Variants in SLC39A11 observed in about 807,000 individuals in gnomAD.
SLC39A11 encodes the protein solute carrier family 39 member 11.
In SLC39A11, 33 loss-of-function variants were observed where a neutral mutation model predicts 36.1. The ratio of observed to expected loss-of-function variants is 0.91; its 90% CI spans 0.69 to 1.22. SLC39A11 has a LOEUF of 1.22. Ranked by LOEUF, SLC39A11 falls within the 50% of genes most tolerant of loss-of-function variation. The pLI, the probability that SLC39A11 is intolerant of heterozygous loss-of-function variation, is 0.00. For synonymous variants in SLC39A11, 166 were observed against 170.3 expected (o/e 0.97, Z 0.20); for missense variants, 432 against 430.3 (o/e 1.00, Z -0.03).
rs199522007 is a variant in SLC39A11 at position 73,059,830 on chromosome 17, G to A, written c.147+24978C>T. ...AGGTTGCCCCAAAATGAGAAAGAGG[G>A]AAGGTATAGATAGGATAAATAAAAA... is the stretch of plus-strand genomic sequence containing the variant. On this transcript the variant is annotated intron_variant, in intron 3 of 9. Coordinates refer to ENST00000255559, the MANE Select transcript of SLC39A11 (RefSeq NM_139177.4). 2.0e-5 allele frequency among the ~76,000 whole-genome samples: 3 copies of A among 152,104 alleles called. No homozygotes were observed. The East Asian group carries it at 5.8e-4, about 29-fold the overall frequency.
chr17:72,730,262 C>T (rs777359082), intron 7 of SLC39A11, among the ~76,000 whole-genome samples: 56 of 152,166 alleles, frequency 3.7e-4, no homozygotes, highest in Non-Finnish European at 5.7e-4. Context: ...TGTTGCTAGG[C>T]GCCTACAAAC....
In SLC39A11 at chr17:72,653,441, C is replaced by CT. The variant is rs66924570; in HGVS notation, c.672-4174dup. Among the ~76,000 whole-genome samples the CT allele has an allele frequency of 1.9e-3, 237 of 124,796 alleles. 1 individual carries two copies. The highest frequency in any genetic ancestry group is 2.8e-3 in the Non-Finnish European group (169 of 59,856). 81.9% of individuals were successfully genotyped at this position (124,796 alleles called of 152,430 possible). A position where few individuals can be genotyped will look rare whatever the true frequency, so the allele number is the denominator to read the frequency against. Reference sequence around the variant, plus strand: ...TTTGGTTTTTCTTTTCTTTTCTTTTCTTTTTTTTTTTTTGAGAAGGAGTCT... The same window carrying CT: ...TTTGGTTTTTCTTTTCTTTTCTTTTCTTTTTTTTTTTTTTGAGAAGGAGTCT... On this transcript the variant is annotated intron_variant, in intron 7 of 9. Transcript: ENST00000255559.
At chr17:73,046,637 C>G (rs2059302068) in intron 3 of SLC39A11, among the ~76,000 whole-genome samples, 1 of 152,176 alleles carries the variant, frequency 6.6e-6, no homozygotes, top group African/African-American at 2.4e-5. Context: ...GTCTCTGTCT[C>G]TCTTTCTCTC....
intron 2 of SLC39A11, among the ~76,000 whole-genome samples, chr17:73,085,678 G>A (rs9944402): frequency 0.3 from 44,762 of 149,272 alleles, 7,186 homozygotes; most frequent in Middle Eastern, 0.5. Context: ...ACACAATGGC[G>A]GTGCAAACGG....
chr17:72,756,493 C>T (rs903395386), intron 6 of SLC39A11, among the ~76,000 whole-genome samples: 4 of 152,220 alleles, frequency 2.6e-5, no homozygotes, highest in Non-Finnish European at 4.4e-5. Context: ...AACATGGCTG[C>T]ACCTTGAGAA....
chr17:72,772,099 A>T (rs2075968588), intron 6 of SLC39A11, among the ~76,000 whole-genome samples: 1 of 152,002 alleles, frequency 6.6e-6, no homozygotes, highest in African/African-American at 2.4e-5. Flanking sequence ...CCTCCTTCCC[A>T]GAGTCCTTTC....
intron 7 of SLC39A11, among the ~76,000 whole-genome samples, chr17:72,658,149 A>G (rs552743717): frequency 1.3e-5 from 2 of 152,338 alleles, no homozygotes; most frequent in African/African-American, 4.8e-5. Flanking sequence ...GGGCCTGAGC[A>G]CAAATAATGA....
intron 3 of SLC39A11, among the ~76,000 whole-genome samples, chr17:73,053,207 A>C (rs1227560864): frequency 6.6e-6 from 1 of 151,828 alleles, no homozygotes; most frequent in Non-Finnish European, 1.5e-5. Flanking sequence ...CAACAGAAAC[A>C]ACCATTATGT....
intron 3 of SLC39A11, among the ~76,000 whole-genome samples, chr17:73,067,037 T>C (rs2060016575): frequency 6.6e-6 from 1 of 152,186 alleles, no homozygotes; most frequent in South Asian, 2.1e-4. Flanking sequence ...AAGAACTCAT[T>C]TTAAAAGCAA....
chr17:72,999,634 T>C (rs1366773362), intron 4 of SLC39A11, among the ~76,000 whole-genome samples: 1 of 152,226 alleles, frequency 6.6e-6, no homozygotes, highest in African/African-American at 2.4e-5. Flanking sequence ...CAGACTCCTC[T>C]GAGGAGCCAC....
chr17:72,717,552 G>A (rs1021951362), intron 7 of SLC39A11, among the ~76,000 whole-genome samples: 15 of 152,246 alleles, frequency 9.9e-5, no homozygotes, highest in African/African-American at 3.1e-4. Context: ...TTCCCTCCAC[G>A]TGTCCCTGTG....
At chr17:72,771,481 TG>T (rs1025564566) in intron 6 of SLC39A11, among the ~76,000 whole-genome samples, 1 of 150,508 alleles carries the variant, frequency 6.6e-6, no homozygotes, top group Non-Finnish European at 1.5e-5. Context: ...GAGGAGGAAA[TG>T]GGGGGGTTAC....
intron 7 of SLC39A11, among the ~76,000 whole-genome samples, chr17:72,729,442 TATATATA>T (rs2074109009): frequency 1.7e-3 from 10 of 5,726 alleles, no homozygotes; most frequent in Non-Finnish European, 3.1e-3. Flanking sequence ...TATATATATA[TATATATA>T]TATATATATT....
chr17:72,754,007 GATATGTATATATGTATATATAT>G (rs1485399782), intron 6 of SLC39A11, among the ~76,000 whole-genome samples: 45 of 129,902 alleles, frequency 3.5e-4, no homozygotes, highest in African/African-American at 1.3e-3. Flanking sequence ...AAGAAACTGT[GATATGTATATATGTATATATAT>G]ATATATATAT....
At chr17:72,945,924 C>T (rs2085404091) in intron 5 of SLC39A11, among the ~76,000 whole-genome samples, 1 of 152,198 alleles carries the variant, frequency 6.6e-6, no homozygotes, top group Non-Finnish European at 1.5e-5. Context: ...CCCCCGACCC[C>T]ACCAGCCCAT....
At chr17:72,897,762 A>G (rs2082104831) in intron 5 of SLC39A11, among the ~76,000 whole-genome samples, 1 of 152,188 alleles carries the variant, frequency 6.6e-6, no homozygotes, top group Non-Finnish European at 1.5e-5. Flanking sequence ...AGGGAAAACA[A>G]AAACAAAAAC....
chr17:72,692,379 T>C (rs7501836), intron 7 of SLC39A11, among the ~76,000 whole-genome samples: 143,493 of 152,294 alleles, frequency 0.94, 67,619 homozygotes, highest in East Asian at 0.96. Context: ...TCTGTTTTCA[T>C]GCTGCTAATA....
chr17:73,067,266 G>C (rs1389009823), intron 3 of SLC39A11, among the ~76,000 whole-genome samples: 1 of 152,222 alleles, frequency 6.6e-6, no homozygotes, highest in Non-Finnish European at 1.5e-5. Flanking sequence ...TAGGTCATAT[G>C]AATAAGTTGT....
intron 5 of SLC39A11, among the ~76,000 whole-genome samples, chr17:72,946,877 A>G (rs2085462514): frequency 6.6e-6 from 1 of 152,210 alleles, no homozygotes; most frequent in Non-Finnish European, 1.5e-5. Flanking sequence ...TCAAAGGGCA[A>G]CAGCCCACTC....
Sources: gnomAD v4.1 joint callset for allele counts (sites outside exome capture counted in the v4.1 genomes callset) on GRCh38, gnomAD v4.1.1 for gene constraint, MANE v1.5 for transcripts, NCBI Gene and HGNC (gene_info 2026-07-23, HGNC 2026-07-21) for gene names.